Variants in RAN observed in about 807,000 individuals in gnomAD.
The protein encoded by RAN is GTP-binding nuclear protein Ran.
Under a neutral mutation model 26.8 loss-of-function variants are expected in RAN, and 2 were observed. That is an observed-to-expected ratio of 0.07 (90% CI 0.03 to 0.23). The LOEUF (loss-of-function observed/expected upper bound fraction) is 0.23, where lower values mean the gene tolerates loss of function less well. RAN is among the 10% of genes least tolerant of loss of function. The pLI is 1.00. For missense variants in RAN, 56 were observed against 264.8 expected (o/e 0.21, Z 5.47); for synonymous variants, 132 against 95.9 (o/e 1.38, Z -2.20).
In RAN at chr12:130,874,718, A is replaced by T; in HGVS notation, c.420A>T (p.Arg140=). ...AGGCGAAATCCATTGTCTTCCACCGAAAGAAGAATCTTCAGGTGTGTAAAA... is the reference window on the plus strand; with the variant it reads ...AGGCGAAATCCATTGTCTTCCACCGTAAGAAGAATCTTCAGGTGTGTAAAA... ...KVKAKSIVFH[R]KKNLQYYDIS... Residue 140 remains arginine (R), a synonymous_variant, in exon 5 of 7, where the codon CGA becomes CGT. Transcript: ENST00000543796. The T allele has an allele frequency of 1.2e-6, 2 of 1,612,930 alleles. No homozygotes were observed. The highest frequency in any genetic ancestry group is 1.7e-6 in the Non-Finnish European group (2 of 1,179,296).
chr12:130,873,776 A>G (rs1342590551), intron 4 of RAN: 1 of 158,232 alleles, frequency 6.3e-6, no homozygotes, highest in Non-Finnish European at 1.4e-5. Flanking sequence ...TTCCCCCAAA[A>G]GAATCCTTTA....
chr12:130,874,779 T>G (rs773703017), intron 5 of RAN, 46 bp downstream of exon 5: 2 of 1,480,422 alleles, frequency 1.4e-6, no homozygotes, highest in Admixed American at 1.8e-5. Flanking sequence ...TAGCGGAGAT[T>G]ATATGTAAGA....
rs1593219166 is a variant in RAN, at chr12:130,872,780, G to A, written c.37-56G>A. 10 of 1,596,940 alleles carry A rather than the reference G, an allele frequency of 6.3e-6. No individual in the cohort carries two copies. In the East Asian group the frequency reaches 1.3e-4, roughly 21 times the overall value. On this transcript the variant is annotated intron_variant, in intron 2 of 6. Coordinates refer to ENST00000543796, the MANE Select transcript of RAN (RefSeq NM_006325.5). ...GTGGTGGTTAAAGTTCCGTGACTCT[G>A]GGATCTTGAGAGGTGAAGTGTTTAG... is the stretch of plus-strand genomic sequence containing the variant.
chr12:130,877,191 T>A lies in RAN; in HGVS notation c.*1265T>A, dbSNP rs1032437404. On this transcript the variant is annotated 3_prime_UTR_variant, in exon 7 of 7. Transcript: ENST00000543796. ...CAGTTAGGAATCTTGAGCTATTTTT[T>A]TCTCATACGATTACTATAGTCCAGT... The A allele has an allele frequency of 1.3e-5, 2 of 152,202 alleles. No homozygotes were observed. The highest frequency in any genetic ancestry group is 2.9e-5 in the Non-Finnish European group (2 of 68,044). The allele number at this position is 152,202 out of a possible 1,614,324, so 9.4% of individuals were successfully genotyped here. A position where few individuals can be genotyped will look rare whatever the true frequency, so the allele number is the denominator to read the frequency against.
intron 5 of RAN, 103 bp from the exon 6 acceptor site, chr12:130,875,509 G>C (rs1953223054): frequency 1.8e-6 from 2 of 1,118,908 alleles, no homozygotes. Context: ...GAGCCACCAT[G>C]CCTTGCCAAG....
At position 130,876,068 on chromosome 12, in the gene RAN, A is replaced by G. The variant is rs1330302345; in HGVS notation, c.*142A>G. 7 of 845,414 alleles carry G rather than the reference A, an allele frequency of 8.3e-6. No individual in the cohort carries two copies. The highest frequency in any genetic ancestry group is 1.3e-5 in the Non-Finnish European group (7 of 534,504). 52.4% of individuals were successfully genotyped at this position (845,414 alleles called of 1,614,324 possible). On this transcript the variant is annotated 3_prime_UTR_variant, in exon 7 of 7. Transcript: ENST00000543796. ...CATCTGTGGGATGCTGAAGGAGATGAGTGGGCTTCGGAGTGAATGTGGCAG... is the reference window on the plus strand; with the variant it reads ...CATCTGTGGGATGCTGAAGGAGATGGGTGGGCTTCGGAGTGAATGTGGCAG...
intron 4 of RAN, 83 bp from the exon 5 acceptor site, chr12:130,874,463 A>G: frequency 1.8e-6 from 2 of 1,108,698 alleles, no homozygotes; most frequent in South Asian, 1.6e-5. Context: ...GACTATAACT[A>G]GTTGAATCCT....
At position 130,875,629 on chromosome 12, in the gene RAN, C is replaced by T; in HGVS notation, c.453C>T (p.Ala151=). Residue 151 remains alanine (A), a synonymous_variant, in exon 6 of 7, where the codon GCC becomes GCT. Transcript: ENST00000543796. ...TTAAACAGTACTACGACATTTCTGC[C>T]AAAAGTAACTACAACTTTGAAAAGC... ...KKNLQYYDIS[A]KSNYNFEKPF... 6.2e-7 allele frequency: 1 copy of T among 1,604,844 alleles called. No individual in the cohort carries two copies. Among genetic ancestry groups the T allele is most frequent in the South Asian group, 1.1e-5 (1 of 89,480 alleles).
intron 2 of RAN, 84 bp from the exon 3 acceptor site, chr12:130,872,752 C>T (rs949848062): frequency 1.3e-6 from 2 of 1,576,548 alleles, no homozygotes; most frequent in Admixed American, 1.7e-5. Context: ...TTTAAGTGAG[C>T]CTGTGGTGGT....
rs764632220 is a variant in RAN at position 130,875,601 on chromosome 12, C to A, written c.436-11C>A. The A allele has an allele frequency of 6.4e-7, 1 of 1,559,330 alleles. No homozygotes were observed. On this transcript the variant is annotated splice_polypyrimidine_tract_variant and intron_variant, in intron 5 of 6. Coordinates refer to ENST00000543796, the MANE Select transcript of RAN (RefSeq NM_006325.5). ...AATTTTAAAAAGTAATTTTACCTTTCTTTTAAACAGTACTACGACATTTCT... is the reference window on the plus strand; with the variant it reads ...AATTTTAAAAAGTAATTTTACCTTTATTTTAAACAGTACTACGACATTTCT...
At chr12:130,873,206 C>G in intron 4 of RAN, 78 bp downstream of exon 4, 1 of 1,573,002 alleles carries the variant, frequency 6.4e-7, no homozygotes, top group Non-Finnish European at 8.7e-7. Flanking sequence ...AAAATCAGGT[C>G]TGTTCCAACA....
Position 130,877,273 on chromosome 12 carries a change from G to A in RAN, c.*1347G>A, listed in dbSNP as rs1361907967. 6.6e-6 allele frequency: 1 copy of A among 152,086 alleles called. No homozygotes were observed. The highest frequency in any genetic ancestry group is 6.6e-5 in the Admixed American group (1 of 15,266). 9.4% of individuals were successfully genotyped at this position (152,086 alleles called of 1,614,324 possible). A position where few individuals can be genotyped will look rare whatever the true frequency, so the allele number is the denominator to read the frequency against. ...CTTGAGATGATTGCTTACCTTAAAA[G>A]GTATAGAAAGGATCACTTAAATATA... On this transcript the variant is annotated 3_prime_UTR_variant, in exon 7 of 7. Coordinates refer to ENST00000543796, the MANE Select transcript of RAN (RefSeq NM_006325.5).
chr12:130,875,704 T>C lies in RAN; in HGVS notation c.528T>C (p.Phe176=). The C allele has an allele frequency of 6.2e-7, 1 of 1,614,116 alleles. No individual in the cohort carries two copies. Among genetic ancestry groups the C allele is most frequent in the Non-Finnish European group, 8.5e-7 (1 of 1,179,996 alleles). ...TCATTGGAGACCCTAACTTGGAATT[T>C]GTTGCCATGCCTGCTCTCGCCCCAC... is the stretch of plus-strand genomic sequence containing the variant. ...RKLIGDPNLE[F]VAMPALAPPE... The change falls in exon 6 of 7, where the codon TTT becomes TTC. Residue 176 remains phenylalanine (F), a synonymous_variant. Transcript: ENST00000543796.
At chr12:130,875,062 G>A (rs1248256703) in intron 5 of RAN, among the ~76,000 whole-genome samples, 3 of 152,126 alleles carry the variant, frequency 2.0e-5, no homozygotes, top group Admixed American at 6.6e-5. Flanking sequence ...CTGACCTCAA[G>A]TGATCCACTT....
intron 6 of RAN, 29 bp downstream of exon 6, chr12:130,875,811 G>T (rs754688833): frequency 3.6e-5 from 58 of 1,614,006 alleles, no homozygotes; most frequent in Non-Finnish European, 4.9e-5. Flanking sequence ...TGTTCAGATT[G>T]TTCGGTTTGG....
chr12:130,873,247 A>G, intron 4 of RAN, 119 bp downstream of exon 4: 1 of 1,399,644 alleles, frequency 7.1e-7, no homozygotes, highest in Non-Finnish European at 9.8e-7. Context: ...AAAAAAAGAC[A>G]AGTGGACTTC....
chr12:130,877,072 C>G lies in RAN; in HGVS notation c.*1146C>G, dbSNP rs981708836. On this transcript the variant is annotated 3_prime_UTR_variant, in exon 7 of 7. Transcript: ENST00000543796. ...AAACTTTTTTTTTTTTTTAACTAAG[C>G]ATTTAATTTATCTTGCATATTTTCC... 1 of 150,398 alleles carries G rather than the reference C, an allele frequency of 6.6e-6. No homozygotes were observed. Among genetic ancestry groups the G allele is most frequent in the Non-Finnish European group, 1.5e-5 (1 of 67,738 alleles). The allele number at this position is 150,398 out of a possible 1,614,324, so 9.3% of individuals were successfully genotyped here.
Position 130,876,079 on chromosome 12 carries a change from G to A in RAN, c.*153G>A, listed in dbSNP as rs561915085. On this transcript the variant is annotated 3_prime_UTR_variant, in exon 7 of 7. Coordinates refer to ENST00000543796, the MANE Select transcript of RAN (RefSeq NM_006325.5). ...TGCTGAAGGAGATGAGTGGGCTTCGGAGTGAATGTGGCAGTTTAAAAAATA... is the reference window on the plus strand; with the variant it reads ...TGCTGAAGGAGATGAGTGGGCTTCGAAGTGAATGTGGCAGTTTAAAAAATA... 2.5e-5 allele frequency: 19 copies of A among 761,192 alleles called. No homozygotes were observed. In the East Asian group the frequency reaches 4.8e-4, roughly 19 times the overall value. The allele number at this position is 761,192 out of a possible 1,614,324, so 47.2% of individuals were successfully genotyped here.
At chr12:130,874,334 C>T (rs1593220357) in intron 4 of RAN, 6 of 492,878 alleles carry the variant, frequency 1.2e-5, no homozygotes, top group Middle Eastern at 5.1e-4. Context: ...TGAAGTATAT[C>T]AGGGAGATTT....
Sources: allele counts gnomAD v4.1 joint callset (sites outside exome capture counted in the v4.1 genomes callset), GRCh38; gene constraint gnomAD v4.1.1; transcripts MANE v1.5; gene names NCBI Gene and HGNC (gene_info 2026-07-23, HGNC 2026-07-21).